The following SLC38A9 variants were observed in gnomAD, a reference collection of about 807,000 sequenced individuals.
SLC38A9 encodes the protein solute carrier family 38 member 9.
Under a neutral mutation model 62.3 loss-of-function variants are expected in SLC38A9, and 48 were observed. That is an observed-to-expected ratio of 0.77 (90% CI 0.61 to 0.98). SLC38A9 has a LOEUF of 0.98. Ranked by LOEUF, SLC38A9 falls within the 50% of genes least tolerant of loss-of-function variation. SLC38A9 has a pLI of 0.00. For synonymous variants in SLC38A9, 204 were observed against 227.7 expected, an observed-to-expected ratio of 0.90 and a Z score of 0.94; for missense variants, 541 against 679.8, an observed-to-expected ratio of 0.80 and a Z score of 2.27.
Position 55,712,213 on chromosome 5 carries a change from C to T in SLC38A9, c.-83+4G>A, listed in dbSNP as rs1454739932. The T allele has an allele frequency of 6.6e-6, 1 of 152,458 alleles. No homozygotes were observed. The highest frequency in any genetic ancestry group is 2.4e-5 in the African/African-American group (1 of 41,474). The allele number at this position is 152,458 out of a possible 1,614,324, so 9.4% of individuals were successfully genotyped here. On this transcript the variant is annotated splice_donor_region_variant and intron_variant, in intron 1 of 15. Transcript: ENST00000396865. Reference sequence around the variant, plus strand: ...AGTTTGCTAGACGTGGGAACGTGATCTACCTGAGCAGGCCGAGCCTTCAAC... The same window carrying T: ...AGTTTGCTAGACGTGGGAACGTGATTTACCTGAGCAGGCCGAGCCTTCAAC...
chr5:55,710,288 C>T (rs1262361049), intron 2 of SLC38A9, among the ~76,000 whole-genome samples: 9 of 150,814 alleles, frequency 6.0e-5, no homozygotes, highest in Admixed American at 3.3e-4. Context: ...CTGCAACCTC[C>T]GCCTGCCGGG....
intron 2 of SLC38A9, among the ~76,000 whole-genome samples, chr5:55,700,360 C>A (rs3846506): frequency 0.58 from 80,194 of 139,222 alleles, 23,210 homozygotes; most frequent in South Asian, 0.66. Flanking sequence ...TAAAACAAGC[C>A]AAAAAAAAAA....
chr5:55,675,315 A>T (rs930015225), intron 3 of SLC38A9: 1 of 152,196 alleles, frequency 6.6e-6, no homozygotes, highest in Admixed American at 6.5e-5. Context: ...AACAGTTTTC[A>T]TCGAGATGCT....
At chr5:55,693,848 C>A (rs1234329037) in intron 3 of SLC38A9, among the ~76,000 whole-genome samples, 3 of 151,970 alleles carry the variant, frequency 2.0e-5, no homozygotes, top group Non-Finnish European at 4.4e-5. Flanking sequence ...ATTGCTTGAG[C>A]CCTGGAGTTC....
intron 12 of SLC38A9, among the ~76,000 whole-genome samples, chr5:55,643,718 C>T (rs1400770221): frequency 6.6e-6 from 1 of 152,138 alleles, no homozygotes; most frequent in Non-Finnish European, 1.5e-5. Flanking sequence ...TCACTGGGTA[C>T]ATATACATTT....
rs911922608 is a variant in SLC38A9 at position 55,662,430 on chromosome 5, G to C, written c.697+2263C>G. Among the ~76,000 whole-genome samples the C allele has an allele frequency of 9.2e-5, 14 of 152,266 alleles. No homozygotes were observed. In the East Asian group the frequency reaches 1.7e-3, roughly 19 times the overall value. ...CTCACACCTGTAATCCCAGCACTTT[G>C]GGAGGCTGAGGTGGGCGGATCACGA... On this transcript the variant is annotated intron_variant, in intron 8 of 15. Transcript: ENST00000396865.
At chr5:55,636,957 G>A (rs1744500060) in intron 12 of SLC38A9, among the ~76,000 whole-genome samples, 2 of 152,114 alleles carry the variant, frequency 1.3e-5, no homozygotes, top group Admixed American at 6.6e-5. Context: ...CTGACGGGAG[G>A]CCAGAGTTCA....
At chr5:55,656,268 T>C (rs914760161) in intron 9 of SLC38A9, among the ~76,000 whole-genome samples, 6 of 151,580 alleles carry the variant, frequency 4.0e-5, no homozygotes, top group African/African-American at 1.5e-4. Flanking sequence ...TACTAACCTC[T>C]GTTTATTACT....
intron 3 of SLC38A9, among the ~76,000 whole-genome samples, chr5:55,674,916 G>C (rs1247212107): frequency 6.6e-6 from 1 of 152,106 alleles, no homozygotes; most frequent in East Asian, 1.9e-4. Context: ...ATTTATGTCT[G>C]GCAGATGGTT....
intron 13 of SLC38A9, chr5:55,635,210 A>G: frequency 3.5e-6 from 1 of 282,194 alleles, no homozygotes; most frequent in South Asian, 4.1e-5. Flanking sequence ...ACTACATGAG[A>G]ACTACTTGTA....
At chr5:55,710,229 A>C (rs1757837539) in intron 2 of SLC38A9, among the ~76,000 whole-genome samples, 1 of 143,490 alleles carries the variant, frequency 7.0e-6, no homozygotes, top group Non-Finnish European at 1.5e-5. Flanking sequence ...TTAAGACAGG[A>C]TCTCCCTCTG....
intron 3 of SLC38A9, among the ~76,000 whole-genome samples, chr5:55,674,788 C>T (rs1032073671): frequency 6.6e-6 from 1 of 152,052 alleles, no homozygotes; most frequent in Non-Finnish European, 1.5e-5. Flanking sequence ...AAAAGCAATC[C>T]CTACTTGTAA....
chr5:55,652,761 AAAAC>A (rs747860965), intron 9 of SLC38A9, 38 bp from the exon 10 acceptor site: 225 of 1,428,768 alleles, frequency 1.6e-4, no homozygotes, highest in South Asian at 2.2e-4. Context: ...AAGATGACAA[AAAAC>A]AAAACAAAAC....
At position 55,668,881 on chromosome 5, in the gene SLC38A9, A is replaced by G. The variant is rs566157311; in HGVS notation, c.526+347T>C. Among the ~76,000 whole-genome samples, 42 of 152,330 alleles carry G rather than the reference A, an allele frequency of 2.8e-4. 1 individual carries two copies. In the South Asian group the frequency reaches 6.6e-3, roughly 24 times the overall value. On this transcript the variant is annotated intron_variant, in intron 7 of 15. Coordinates refer to ENST00000396865, the MANE Select transcript of SLC38A9 (RefSeq NM_173514.4). Reference sequence around the variant, plus strand: ...CTAACATTTAGATCTTTTGGTATGAATAGGTCAAAACAAGTCACCATTAAC... The same window carrying G: ...CTAACATTTAGATCTTTTGGTATGAGTAGGTCAAAACAAGTCACCATTAAC...
intron 5 of SLC38A9, 36 bp from the exon 6 acceptor site, chr5:55,669,656 G>A (rs756887795): frequency 1.9e-6 from 3 of 1,593,242 alleles, no homozygotes; most frequent in Non-Finnish European, 1.7e-6. Context: ...AAAAAATGGA[G>A]TTTCACTCTT....
intron 3 of SLC38A9, among the ~76,000 whole-genome samples, chr5:55,687,242 A>G (rs1272762574): frequency 1.3e-5 from 2 of 150,696 alleles, no homozygotes; most frequent in Non-Finnish European, 1.5e-5. Flanking sequence ...GATCGAGACC[A>G]CGGTGAAACC....
rs1757120424 is a variant in SLC38A9, at chr5:55,705,066, T to C, written c.-35+6386A>G. Among the ~76,000 whole-genome samples, 3 of 152,200 alleles carry C rather than the reference T, an allele frequency of 2.0e-5. No homozygotes were observed. In the South Asian group the frequency reaches 6.2e-4, roughly 32 times the overall value. ...TTGGAAGGACATACAAGAAGAAACT[T>C]TTTTTAAAAGAAAAAGAAAAAATAT... is the stretch of plus-strand genomic sequence containing the variant. On this transcript the variant is annotated intron_variant, in intron 2 of 15. Coordinates refer to ENST00000396865, the MANE Select transcript of SLC38A9 (RefSeq NM_173514.4).
chr5:55,641,640 T>C (rs573751712), intron 12 of SLC38A9, among the ~76,000 whole-genome samples: 5 of 152,240 alleles, frequency 3.3e-5, no homozygotes, highest in African/African-American at 1.2e-4. Flanking sequence ...AGCACTTTGT[T>C]TGACAATTCC....
intron 2 of SLC38A9, among the ~76,000 whole-genome samples, chr5:55,708,856 T>C (rs1003712873): frequency 2.6e-5 from 4 of 152,220 alleles, no homozygotes; most frequent in Admixed American, 6.5e-5. Context: ...TGTGTTCCAA[T>C]AGAACTTTAT....
Sources: gnomAD v4.1 joint callset for allele counts (sites outside exome capture counted in the v4.1 genomes callset) on GRCh38, gnomAD v4.1.1 for gene constraint, MANE v1.5 for transcripts, NCBI Gene and HGNC (gene_info 2026-07-23, HGNC 2026-07-21) for gene names.